PLN: variants seen among roughly 807,000 people sequenced by gnomAD.
PLN encodes cardiac phospholamban.
A neutral mutation model predicts 3.9 loss-of-function variants in PLN; 1 was observed. The ratio of observed to expected loss-of-function variants is 0.26; its 90% CI spans 0.09 to 1.23. The LOEUF is 1.23. Among genes scored for constraint, PLN ranks in the 50% most tolerant of loss-of-function variants. PLN has a pLI of 0.48. For missense variants in PLN, 59 were observed against 62.7 expected (o/e 0.94, Z 0.20); for synonymous variants, 21 against 20.5 (o/e 1.02, Z -0.07).
chr6:118,557,005 C>G lies in PLN; in HGVS notation c.-97-1820C>G, dbSNP rs199632670. Among the ~76,000 whole-genome samples, 8 of 152,118 alleles carry G rather than the reference C, an allele frequency of 5.3e-5. No individual in the cohort carries two copies. The East Asian group carries it at 1.5e-3, about 29-fold the overall frequency. ...AAAGAAGGCATGATGGAAACTACTA[C>G]TATTAAGTAGAAGTCTGTAAATAGG... On this transcript the variant is annotated intron_variant, in intron 1 of 1. Coordinates refer to ENST00000357525, the MANE Select transcript of PLN (RefSeq NM_002667.5).
At chr6:118,558,727 T>C (rs1779048782) in intron 1 of PLN, 98 bp from the exon 2 acceptor site, 3 of 611,940 alleles carry the variant, frequency 4.9e-6, no homozygotes, top group Admixed American at 2.7e-5. Flanking sequence ...TAAATAACAA[T>C]AGTGCTGAGG....
At chr6:118,553,780 A>G (rs1778687275) in intron 1 of PLN, among the ~76,000 whole-genome samples, 3 of 152,186 alleles carry the variant, frequency 2.0e-5, no homozygotes, top group African/African-American at 7.2e-5. Context: ...TCTTTAGGGC[A>G]TATCTCTGTA....
At chr6:118,549,628 T>C (rs1166878616) in intron 1 of PLN, among the ~76,000 whole-genome samples, 3 of 151,858 alleles carry the variant, frequency 2.0e-5, no homozygotes, top group African/African-American at 7.2e-5. Context: ...CACTGAGGTA[T>C]CCTAATTGTG....
intron 1 of PLN, among the ~76,000 whole-genome samples, chr6:118,555,836 G>T (rs1462235837): frequency 6.7e-6 from 1 of 149,184 alleles, no homozygotes; most frequent in Middle Eastern, 3.2e-3. Flanking sequence ...AGCGTCTGTT[G>T]TTTCCTTCTT....
rs1349088094 is a variant in PLN at position 118,559,965 on chromosome 6, T to G, written c.*885T>G. On this transcript the variant is annotated 3_prime_UTR_variant, in exon 2 of 2. Coordinates refer to ENST00000357525, the MANE Select transcript of PLN (RefSeq NM_002667.5). ...TTACCATACTATATCTTTGGAATCA[T>G]GAAACCTTAAGACTTCAGAATGATT... 3.0e-5 allele frequency: 5 copies of G among 167,060 alleles called. No homozygotes were observed. The highest frequency in any genetic ancestry group is 7.3e-5 in the Non-Finnish European group (5 of 68,100). 10.3% of individuals were successfully genotyped at this position (167,060 alleles called of 1,614,324 possible). A position where few individuals can be genotyped will look rare whatever the true frequency, so the allele number is the denominator to read the frequency against.
chr6:118,551,267 C>T (rs749561903), intron 1 of PLN, among the ~76,000 whole-genome samples: 7 of 151,780 alleles, frequency 4.6e-5, no homozygotes, highest in Admixed American at 6.6e-5. Flanking sequence ...TCATAGTCAA[C>T]TGAGGACCTC....
chr6:118,556,023 TACC>T (rs1778851509), intron 1 of PLN, among the ~76,000 whole-genome samples: 1 of 152,218 alleles, frequency 6.6e-6, no homozygotes, highest in Admixed American at 6.5e-5. Flanking sequence ...GGTGTATATG[TACC>T]ACATTTTCTT....
chr6:118,558,046 C>A (rs1778981573), intron 1 of PLN, among the ~76,000 whole-genome samples: 1 of 151,680 alleles, frequency 6.6e-6, no homozygotes, highest in Admixed American at 6.6e-5. Flanking sequence ...CTCAATGCAA[C>A]CCCTGCCTCC....
rs1473663884 is a variant in PLN at position 118,560,324 on chromosome 6, A to C, written c.*1244A>C. On this transcript the variant is annotated 3_prime_UTR_variant, in exon 2 of 2. Coordinates refer to ENST00000357525, the MANE Select transcript of PLN (RefSeq NM_002667.5). Reference sequence around the variant, plus strand: ...ATTTTGCGTGTTATATGTATTATACACTATATTCCTACAATAAAGTAAGCT... The same window carrying C: ...ATTTTGCGTGTTATATGTATTATACCCTATATTCCTACAATAAAGTAAGCT... 6.0e-6 allele frequency: 1 copy of C among 167,072 alleles called. No homozygotes were observed. The highest frequency in any genetic ancestry group is 1.5e-5 in the Non-Finnish European group (1 of 68,120). The allele number at this position is 167,072 out of a possible 1,614,324, so 10.3% of individuals were successfully genotyped here.
chr6:118,556,698 T>C (rs1405081192), intron 1 of PLN, among the ~76,000 whole-genome samples: 1 of 152,214 alleles, frequency 6.6e-6, no homozygotes, highest in Admixed American at 6.5e-5. Context: ...AGTAATATGT[T>C]GATTAACAAT....
chr6:118,558,902 C>A lies in PLN; in HGVS notation c.-20C>A. On this transcript the variant is annotated 5_prime_UTR_variant, in exon 2 of 2. Transcript: ENST00000357525. ...TCTCTCGACCACTTAAAACTTCAGA[C>A]TTCCTGTCCTGCTGGTATCATGGAG... The A allele has an allele frequency of 1.2e-6, 2 of 1,610,416 alleles. No homozygotes were observed. Among genetic ancestry groups the A allele is most frequent in the Non-Finnish European group, 1.7e-6 (2 of 1,176,722 alleles).
rs1003829773 is a variant in PLN at position 118,560,567 on chromosome 6, T to C, written c.*1487T>C. 2 of 167,016 alleles carry C rather than the reference T, an allele frequency of 1.2e-5. No homozygotes were observed. The highest frequency in any genetic ancestry group is 4.8e-5 in the African/African-American group (2 of 41,416). The allele number at this position is 167,016 out of a possible 1,614,324, so 10.3% of individuals were successfully genotyped here. ...GAATATTCATGTATAAGTGGACCCT[T>C]GCAATTCAAGCCCTTGTTGTTCAAG... is the stretch of plus-strand genomic sequence containing the variant. On this transcript the variant is annotated 3_prime_UTR_variant, in exon 2 of 2. Transcript: ENST00000357525.
In PLN at chr6:118,558,626, T is replaced by TACACACACACAC. The variant is rs371775061; in HGVS notation, c.-97-175_-97-164dup. ...ACAGACACATAGAAACACGTGCACATACACACACACACACACACACACACA... is the reference window on the plus strand; with the variant it reads ...ACAGACACATAGAAACACGTGCACATACACACACACACACACACACACACACACACACACACA... On this transcript the variant is annotated intron_variant, in intron 1 of 1. Transcript: ENST00000357525. Among the ~76,000 whole-genome samples, 332 of 111,620 alleles carry TACACACACACAC rather than the reference T, an allele frequency of 3.0e-3. 1 individual carries two copies. The highest frequency in any genetic ancestry group is 9.0e-3 in the East Asian group (36 of 3,992). The allele number at this position is 111,620 out of a possible 152,430, so 73.2% of individuals were successfully genotyped here.
At chr6:118,556,400 CA>C (rs1372972643) in intron 1 of PLN, among the ~76,000 whole-genome samples, 1 of 152,154 alleles carries the variant, frequency 6.6e-6, no homozygotes, top group Non-Finnish European at 1.5e-5. Flanking sequence ...GACAGAGTCT[CA>C]AGCCAAAAAT....
chr6:118,558,626 T>TGC (rs1779021401), intron 1 of PLN, among the ~76,000 whole-genome samples, 199 bp from the exon 2 acceptor site: 1 of 111,604 alleles, frequency 9.0e-6, no homozygotes, highest in African/African-American at 3.2e-5. Context: ...CACGTGCACA[T>TGC]ACACACACAC....
At chr6:118,554,491 T>C (rs1040286121) in intron 1 of PLN, among the ~76,000 whole-genome samples, 4 of 152,146 alleles carry the variant, frequency 2.6e-5, no homozygotes, top group Non-Finnish European at 5.9e-5. Flanking sequence ...GTTTTAGTCA[T>C]AAAAATCCCT....
At chr6:118,549,117 G>A (rs761363086) in intron 1 of PLN, among the ~76,000 whole-genome samples, 24 of 151,800 alleles carry the variant, frequency 1.6e-4, no homozygotes, top group Admixed American at 3.9e-4. Context: ...AAAATCTGAC[G>A]TTAGAGAATA....
chr6:118,559,951 T>C lies in PLN; in HGVS notation c.*871T>C, dbSNP rs1263166001. ...TAGAGTTACCTAGCTTACCATACTA[T>C]ATCTTTGGAATCATGAAACCTTAAG... On this transcript the variant is annotated 3_prime_UTR_variant, in exon 2 of 2. Transcript: ENST00000357525. 6.0e-6 allele frequency: 1 copy of C among 167,096 alleles called. No individual in the cohort carries two copies. Among genetic ancestry groups the C allele is most frequent in the Non-Finnish European group, 1.5e-5 (1 of 68,110 alleles). 10.4% of individuals were successfully genotyped at this position (167,096 alleles called of 1,614,324 possible).
At position 118,561,323 on chromosome 6, in the gene PLN, T is replaced by C. The variant is rs1779210646; in HGVS notation, c.*2243T>C. On this transcript the variant is annotated 3_prime_UTR_variant, in exon 2 of 2. Coordinates refer to ENST00000357525, the MANE Select transcript of PLN (RefSeq NM_002667.5). ...ATTTGAACTGATTAGTCATATTCCT[T>C]TGATTACACTGTTTGTTACAATATT... Among the ~76,000 whole-genome samples the C allele has an allele frequency of 6.6e-6, 1 of 152,222 alleles. No homozygotes were observed. The highest frequency in any genetic ancestry group is 2.4e-5 in the African/African-American group (1 of 41,470).
Sources: gnomAD v4.1 joint callset for allele counts (sites outside exome capture counted in the v4.1 genomes callset) on GRCh38, gnomAD v4.1.1 for gene constraint, MANE v1.5 for transcripts, NCBI Gene and HGNC (gene_info 2026-07-23, HGNC 2026-07-21) for gene names.